The following SLC14A2 variants were observed in gnomAD, a reference collection of about 807,000 sequenced individuals.
The protein encoded by SLC14A2 is urea transporter 2.
SLC14A2 carries 91 observed loss-of-function variants against 104.6 expected under a neutral mutation model. That is an observed-to-expected ratio of 0.87 (90% CI 0.73 to 1.04). The LOEUF is 1.04. Ranked by LOEUF, SLC14A2 falls within the 50% of genes least tolerant of loss-of-function variation. SLC14A2 has a pLI of 0.00. For synonymous variants in SLC14A2, 476 were observed against 466.4 expected (o/e 1.02, Z -0.27); for missense variants, 1,189 against 1,156.0 (o/e 1.03, Z -0.41).
upstream of SLC14A2, among the ~76,000 whole-genome samples, chr18:45,208,536 GAGA>G (rs1172965875): frequency 4.6e-5 from 7 of 152,202 alleles, no homozygotes; most frequent in Non-Finnish European, 7.3e-5. Flanking sequence ...GGAAAGAAGG[GAGA>G]AGGAGAGACG....
At chr18:45,464,294 T>C (rs1307110657) in intron 1 of SLC14A2, among the ~76,000 whole-genome samples, 3 of 152,154 alleles carry the variant, frequency 2.0e-5, no homozygotes, top group Non-Finnish European at 4.4e-5. Flanking sequence ...AGATAAATGG[T>C]TTGGATTAAA....
At chr18:45,612,641 A>G (rs1026176680), upstream of SLC14A2, among the ~76,000 whole-genome samples, 6 of 152,244 alleles carry the variant, frequency 3.9e-5, no homozygotes, top group Non-Finnish European at 8.8e-5. Flanking sequence ...ACCAAGACAC[A>G]GAGAGGTTGT....
At chr18:45,242,315 T>A (rs2084326161) in intron 1 of SLC14A2, among the ~76,000 whole-genome samples, 1 of 152,180 alleles carries the variant, frequency 6.6e-6, no homozygotes, top group Non-Finnish European at 1.5e-5. Context: ...CTTATGCACC[T>A]CAAATGTTGT....
intron 1 of SLC14A2, among the ~76,000 whole-genome samples, chr18:45,355,589 A>C (rs1452726848): frequency 6.6e-6 from 1 of 151,404 alleles, no homozygotes; most frequent in Non-Finnish European, 1.5e-5. Flanking sequence ...AAAAAAAAAA[A>C]AAAAAAAAAA....
At chr18:45,657,770 T>C (rs2045866424) in intron 10 of SLC14A2, among the ~76,000 whole-genome samples, 2 of 152,170 alleles carry the variant, frequency 1.3e-5, no homozygotes, top group Non-Finnish European at 1.5e-5. Flanking sequence ...ATGGGAGAGC[T>C]GGACAAGATC....
At chr18:45,253,457 T>C (rs2084444044) in intron 1 of SLC14A2, among the ~76,000 whole-genome samples, 1 of 151,978 alleles carries the variant, frequency 6.6e-6, no homozygotes, top group Non-Finnish European at 1.5e-5. Context: ...AGTTGCTCTC[T>C]GCATTATGCT....
chr18:45,243,068 A>T (rs1174051227), intron 1 of SLC14A2, among the ~76,000 whole-genome samples: 4 of 152,254 alleles, frequency 2.6e-5, no homozygotes, highest in Non-Finnish European at 5.9e-5. Flanking sequence ...AACCTTAGCA[A>T]TAATTAATTT....
At chr18:45,472,681 G>A (rs1445092635) in intron 1 of SLC14A2, among the ~76,000 whole-genome samples, 1 of 152,174 alleles carries the variant, frequency 6.6e-6, no homozygotes, top group South Asian at 2.1e-4. Flanking sequence ...CTTCTTTTGA[G>A]AAGTGTCTGT....
chr18:45,257,906 G>A (rs770243761), intron 1 of SLC14A2, among the ~76,000 whole-genome samples: 4 of 152,156 alleles, frequency 2.6e-5, no homozygotes, highest in Non-Finnish European at 5.9e-5. Context: ...TCCTCTGGGA[G>A]AAATATCAGG....
intron 1 of SLC14A2, among the ~76,000 whole-genome samples, chr18:45,378,739 A>C (rs1182704797): frequency 6.6e-6 from 1 of 152,164 alleles, no homozygotes; most frequent in Non-Finnish European, 1.5e-5. Flanking sequence ...ATAAATGCTC[A>C]ATGCATTTTG....
chr18:45,236,478 T>A lies in SLC14A2; in HGVS notation c.-125+23287T>A, dbSNP rs188910776. On this transcript the variant is annotated intron_variant, in intron 1 of 20. Transcript: ENST00000586448. ...GTATATATGTGTATATATACATGTATGTGTGTATATATGTGTATATATACA... is the reference window on the plus strand; with the variant it reads ...GTATATATGTGTATATATACATGTAAGTGTGTATATATGTGTATATATACA... 8.6e-5 allele frequency among the ~76,000 whole-genome samples: 7 copies of A among 81,706 alleles called. No individual in the cohort carries two copies. The East Asian group carries it at 2.0e-3, about 24-fold the overall frequency. The allele number at this position is 81,706 out of a possible 152,430, so 53.6% of individuals were successfully genotyped here. A position where few individuals can be genotyped will look rare whatever the true frequency, so the allele number is the denominator to read the frequency against.
At chr18:45,346,179 T>A (rs2085446155) in intron 1 of SLC14A2, among the ~76,000 whole-genome samples, 1 of 152,200 alleles carries the variant, frequency 6.6e-6, no homozygotes, top group Non-Finnish European at 1.5e-5. Flanking sequence ...TCCCCTTGAG[T>A]TGGAGTTGCT....
chr18:45,326,822 C>T (rs1055820468), intron 1 of SLC14A2, among the ~76,000 whole-genome samples: 9 of 152,166 alleles, frequency 5.9e-5, no homozygotes, highest in East Asian at 1.9e-4. Context: ...TAGGAAGCCT[C>T]GTTGAAGCCT....
chr18:45,196,960 A>G, the SLC14A2 span, among the ~76,000 whole-genome samples: 5 of 152,252 alleles, frequency 3.3e-5, no homozygotes, highest in African/African-American at 9.6e-5. Flanking sequence ...CGAATTAGCC[A>G]ATGGGGAAGA....
At chr18:45,588,193 C>T (rs984611996) in intron 2 of SLC14A2, among the ~76,000 whole-genome samples, 1 of 152,156 alleles carries the variant, frequency 6.6e-6, no homozygotes, top group African/African-American at 2.4e-5. Flanking sequence ...CACTAGGGCT[C>T]TCTGAAAATA....
chr18:45,542,211 A>G (rs1180313173), intron 2 of SLC14A2: 1 of 151,670 alleles, frequency 6.6e-6, no homozygotes, highest in Non-Finnish European at 1.5e-5. Context: ...ATGGGCTTCT[A>G]ATTCTCAGAG....
At chr18:45,346,285 A>C (rs2085447121) in intron 1 of SLC14A2, among the ~76,000 whole-genome samples, 1 of 152,132 alleles carries the variant, frequency 6.6e-6, no homozygotes. Flanking sequence ...CCTCCTGAAT[A>C]GCTGGGATTA....
chr18:45,210,075 G>C (rs1396941689), upstream of SLC14A2, among the ~76,000 whole-genome samples: 1 of 152,174 alleles, frequency 6.6e-6, no homozygotes, highest in Non-Finnish European at 1.5e-5. Flanking sequence ...AACCCCTACT[G>C]TTGTCTCCAG....
rs201849357 is a variant in SLC14A2 at position 45,667,004 on chromosome 18, C to T, written c.1627C>T (p.Arg543Trp). The stretch of plus-strand genomic sequence containing the variant: ...AAACATTTCCAAGACATCCTGGATT[C>T]GGAGTTCCATGGCTGCCAGTGGGAA... ...ETNISKTSWIRSSMAASGKRV... is the reference protein window; with the variant it reads ...ETNISKTSWIWSSMAASGKRV... Residue 543 changes from arginine to tryptophan, a missense_variant, in exon 13 of 20, where the codon CGG becomes TGG. Arg to Trp is a moderately radical substitution (Grantham distance 101). Transcript: ENST00000255226. 1.4e-4 allele frequency: 230 copies of T among 1,613,842 alleles called. No homozygotes were observed. The highest frequency in any genetic ancestry group is 1.9e-4 in the Non-Finnish European group (220 of 1,179,750).
Sources: allele counts gnomAD v4.1 joint callset (sites outside exome capture counted in the v4.1 genomes callset), GRCh38; gene constraint gnomAD v4.1.1; transcripts MANE v1.5; gene names NCBI Gene and HGNC (gene_info 2026-07-23, HGNC 2026-07-21).